TERB1: variants seen among roughly 807,000 people sequenced by gnomAD.
TERB1 encodes telomere repeat binding bouquet formation protein 1, also known as telomere repeats-binding bouquet formation protein 1.
A neutral mutation model predicts 92.3 loss-of-function variants in TERB1; 63 were observed. The ratio of observed to expected loss-of-function variants is 0.68; its 90% CI spans 0.56 to 0.84. The LOEUF (loss-of-function observed/expected upper bound fraction) is 0.84, where lower values mean the gene tolerates loss of function less well. Among genes scored for constraint, TERB1 ranks in the 40% least tolerant of loss-of-function variants. TERB1 has a pLI of 0.00. For synonymous variants in TERB1, 252 were observed against 283.9 expected, an observed-to-expected ratio of 0.89 and a Z score of 1.13; for missense variants, 709 against 843.7, an observed-to-expected ratio of 0.84 and a Z score of 1.98.
Position 66,770,264 on chromosome 16 carries a change from T to C in TERB1, c.1318A>G (p.Asn440Asp). Residue 440 changes from asparagine (N) to aspartate (D), a missense_variant, in exon 14 of 19, where the codon AAC (asparagine) becomes GAC (aspartate). Physicochemically the swap from Asn to Asp is conservative, Grantham distance 23. Transcript: ENST00000433154. ...TTCCATGTATTCTGAATACTTATGTTCATAGATGAAATATTATCCTGATAG... is the reference window on the plus strand; with the variant it reads ...TTCCATGTATTCTGAATACTTATGTCCATAGATGAAATATTATCCTGATAG... ...ENYQDNISSM[N>D]ISIQNTWKHL... 6.4e-7 allele frequency: 1 copy of C among 1,551,310 alleles called. No homozygotes were observed. Among genetic ancestry groups the C allele is most frequent in the East Asian group, 2.4e-5 (1 of 40,906 alleles).
chr16:66,767,529 TGAAG>T lies in TERB1; in HGVS notation c.1685-23_1685-20del, dbSNP rs2018368618. 1.7e-6 allele frequency: 2 copies of T among 1,162,864 alleles called. No homozygotes were observed. The highest frequency in any genetic ancestry group is 1.6e-5 in the African/African-American group (1 of 62,348). 72.0% of individuals were successfully genotyped at this position (1,162,864 alleles called of 1,614,324 possible). On this transcript the variant is annotated intron_variant, in intron 15 of 18. Transcript: ENST00000433154. The stretch of plus-strand genomic sequence containing the variant: ...AATGGATCTGAAAAAAATTGCAAAA[TGAAG>T]GATTTTTGGATTAATGAAAAGAATC...
intron 9 of TERB1, among the ~76,000 whole-genome samples, chr16:66,780,272 GA>G (rs1274311099): frequency 6.6e-6 from 1 of 152,098 alleles, no homozygotes; most frequent in Admixed American, 6.6e-5. Flanking sequence ...CTTCAAAAAA[GA>G]GGCTGGGTGT....
At chr16:66,798,060 C>A (rs1293931826) in intron 2 of TERB1, among the ~76,000 whole-genome samples, 4 of 149,004 alleles carry the variant, frequency 2.7e-5, no homozygotes, top group Non-Finnish European at 5.9e-5. Context: ...AGAGCAAGGC[C>A]TTGTCTCAAA....
intron 3 of TERB1, 118 bp from the exon 4 acceptor site, chr16:66,791,137 G>T: frequency 2.7e-5 from 13 of 486,112 alleles, no homozygotes; most frequent in South Asian, 9.3e-5. Context: ...GTAATAGGCA[G>T]GTATTACTTT....
chr16:66,771,551 T>A (rs1322678675), intron 13 of TERB1, among the ~76,000 whole-genome samples: 1 of 151,692 alleles, frequency 6.6e-6, no homozygotes, highest in Non-Finnish European at 1.5e-5. Flanking sequence ...CTGGAACCAA[T>A]CCCCCATAGA....
intron 9 of TERB1, among the ~76,000 whole-genome samples, chr16:66,782,358 T>C (rs2018650953): frequency 6.6e-6 from 1 of 152,120 alleles, no homozygotes; most frequent in Non-Finnish European, 1.5e-5. Context: ...AAGACCAGCC[T>C]GGCCAACATG....
intron 12 of TERB1, among the ~76,000 whole-genome samples, chr16:66,772,975 C>T (rs1310677156): frequency 6.6e-6 from 1 of 152,024 alleles, no homozygotes; most frequent in Non-Finnish European, 1.5e-5. Context: ...AAAAAACATG[C>T]AAATATGTTA....
Position 66,778,871 on chromosome 16 carries a change from G to A in TERB1, c.845C>T (p.Ala282Val). Residue 282 changes from alanine to valine, a missense_variant, in exon 10 of 19, where the codon GCT becomes GTT. Ala to Val is a moderately conservative substitution (Grantham distance 64). Transcript: ENST00000433154. ...VVTKTVDACI[A>V]DNPTFGIVLS... ...TAAGCACTGTCACTCACGATTATCAGCAATGCATGCATCCACAGTCTTCGT... is the reference window on the plus strand; with the variant it reads ...TAAGCACTGTCACTCACGATTATCAACAATGCATGCATCCACAGTCTTCGT... 1.3e-6 allele frequency: 2 copies of A among 1,493,894 alleles called. No individual in the cohort carries two copies. 92.5% of individuals were successfully genotyped at this position (1,493,894 alleles called of 1,614,324 possible). A position where few individuals can be genotyped will look rare whatever the true frequency, so the allele number is the denominator to read the frequency against.
intron 13 of TERB1, among the ~76,000 whole-genome samples, 164 bp downstream of exon 13, chr16:66,772,425 T>C (rs1254575879): frequency 6.6e-6 from 1 of 152,148 alleles, no homozygotes; most frequent in Admixed American, 6.5e-5. Flanking sequence ...GAGGTTGCAG[T>C]GAGCCGAGAT....
At chr16:66,779,460 T>G (rs933965485) in intron 9 of TERB1, among the ~76,000 whole-genome samples, 2 of 152,076 alleles carry the variant, frequency 1.3e-5, no homozygotes, top group Non-Finnish European at 2.9e-5. Flanking sequence ...AAGCTGGGTG[T>G]GGTGGTGCAT....
chr16:66,760,927 T>C (rs1299410869), intron 16 of TERB1, among the ~76,000 whole-genome samples: 3 of 134,008 alleles, frequency 2.2e-5, no homozygotes, highest in African/African-American at 2.9e-5. Flanking sequence ...GCCTGGCCAA[T>C]ATGGCGAAAC....
rs1473171432 is a variant in TERB1 at position 66,768,030 on chromosome 16, T to A, written c.1684+74A>T. 2.5e-6 allele frequency: 3 copies of A among 1,177,214 alleles called. No individual in the cohort carries two copies. In the Admixed American group the frequency reaches 6.1e-5, roughly 24 times the overall value. 72.9% of individuals were successfully genotyped at this position (1,177,214 alleles called of 1,614,324 possible). A position where few individuals can be genotyped will look rare whatever the true frequency, so the allele number is the denominator to read the frequency against. On this transcript the variant is annotated intron_variant, in intron 15 of 18. Transcript: ENST00000433154. ...GGCGTGAGCCACCGCACCCAGTCAA[T>A]GTGCATTTTTAGCTATATTGGTTAC...
intron 10 of TERB1, 74 bp from the exon 11 acceptor site, chr16:66,777,408 CAG>C (rs1191344570): frequency 9.7e-6 from 9 of 926,366 alleles, no homozygotes; most frequent in East Asian, 8.1e-5. Context: ...ATGTATTTTT[CAG>C]AGTTTATTCA....
chr16:66,774,452 T>C (rs994227647), intron 12 of TERB1, among the ~76,000 whole-genome samples: 1 of 152,160 alleles, frequency 6.6e-6, no homozygotes, highest in Non-Finnish European at 1.5e-5. Flanking sequence ...CCCAAAGTGC[T>C]GGGATTACAG....
At chr16:66,797,001 T>C (rs921283092) in intron 2 of TERB1, among the ~76,000 whole-genome samples, 171 bp from the exon 3 acceptor site, 1 of 152,184 alleles carries the variant, frequency 6.6e-6, no homozygotes, top group Non-Finnish European at 1.5e-5. Flanking sequence ...AATCTGCAAC[T>C]TATTAGATGC....
chr16:66,760,330 G>A (rs1311164556), intron 16 of TERB1, among the ~76,000 whole-genome samples: 1 of 141,414 alleles, frequency 7.1e-6, no homozygotes, highest in African/African-American at 2.7e-5. Context: ...ATGGTGGCGG[G>A]TGCCTGTAGT....
At chr16:66,760,783 C>CAAAAAAAAAAAAAAA (rs57817560) in intron 16 of TERB1, among the ~76,000 whole-genome samples, 10 of 67,292 alleles carry the variant, frequency 1.5e-4, no homozygotes, top group Non-Finnish European at 2.0e-4. Context: ...GACTCCATCT[C>CAAAAAAAAAAAAAAA]AAAAAAAAAA....
In TERB1 at chr16:66,786,262, C is replaced by A; in HGVS notation, c.424G>T (p.Glu142Ter). 6.5e-7 allele frequency: 1 copy of A among 1,549,196 alleles called. No homozygotes were observed. The highest frequency in any genetic ancestry group is 1.7e-4 in the Middle Eastern group (1 of 5,958). ...GACAGAACTGTAATACAACCTGTTTCTCTCACAAGTGTTTGTCCGGTCCCT... is the reference window on the plus strand; with the variant it reads ...GACAGAACTGTAATACAACCTGTTTATCTCACAAGTGTTTGTCCGGTCCCT... ...NNRTGQTLVR[E>*]TGCITVLSRL... is the part of the protein sequence containing the mutation. The change falls in exon 7 of 19, where the codon GAA becomes TAA. Residue 142 changes from glutamate (E) to a stop codon, truncating the protein, a stop_gained. Coordinates refer to ENST00000433154, the MANE Select transcript of TERB1 (RefSeq NM_001136505.2). LOFTEE classifies it high-confidence loss of function.
rs917818456 is a variant in TERB1, at chr16:66,777,269, C to T, written c.919G>A (p.Glu307Lys). 3 of 1,550,708 alleles carry T rather than the reference C, an allele frequency of 1.9e-6. No homozygotes were observed. ...AATTTTTCTCCTGAATCCAGACTTT[C>T]ATGAAGCAGTAATGCCAGAAGTTTA... The part of the protein sequence containing the change: ...VSKLLALLLH[E>K]SLDSGEKFSI... The change falls in exon 11 of 19, where the codon GAA becomes AAA. Residue 307 changes from glutamate to lysine, a missense_variant. Glu to Lys is a moderately conservative substitution (Grantham distance 56, BLOSUM62 1). Coordinates refer to ENST00000433154, the MANE Select transcript of TERB1 (RefSeq NM_001136505.2).
Sources: allele counts gnomAD v4.1 joint callset (sites outside exome capture counted in the v4.1 genomes callset), GRCh38; gene constraint gnomAD v4.1.1; transcripts MANE v1.5; gene names NCBI Gene and HGNC (gene_info 2026-07-23, HGNC 2026-07-21).